Variants in OSBPL1A observed in about 807,000 individuals in gnomAD.
OSBPL1A encodes oxysterol binding protein like 1A, also known as oxysterol-binding protein-related protein 1.
Under a neutral mutation model 137.1 loss-of-function variants are expected in OSBPL1A, and 80 were observed. That is an observed-to-expected ratio of 0.58 (90% confidence interval 0.49 to 0.70). The LOEUF (loss-of-function observed/expected upper bound fraction) is 0.70. Ranked by LOEUF, OSBPL1A falls within the 30% of genes least tolerant of loss-of-function variation. OSBPL1A has a pLI of 0.00. For synonymous variants in OSBPL1A, 365 were observed against 389.7 expected (o/e 0.94, Z 0.75); for missense variants, 970 against 1,129.4 (o/e 0.86, Z 2.02).
chr18:24,200,365 C>T lies in OSBPL1A; in HGVS notation c.1602-4165G>A, dbSNP rs142305799. On this transcript the variant is annotated intron_variant, in intron 17 of 27. Coordinates refer to ENST00000319481, the MANE Select transcript of OSBPL1A (RefSeq NM_080597.4). ...GATCACAAGGTCTGGAGTTCGAGAC[C>T]AGCCTGGCCAAGATGGTGAAACCCT... Among the ~76,000 whole-genome samples, 360 of 152,116 alleles carry T rather than the reference C, an allele frequency of 2.4e-3. 2 individuals are homozygous for T. The highest frequency in any genetic ancestry group is 8.5e-3 in the African/African-American group (352 of 41,472).
intron 16 of OSBPL1A, among the ~76,000 whole-genome samples, chr18:24,234,526 G>A (rs945023937): frequency 2.7e-5 from 3 of 111,782 alleles, no homozygotes; most frequent in African/African-American, 8.4e-5. Flanking sequence ...AGCGATCCCA[G>A]GGGGGACGCC....
intron 19 of OSBPL1A, 49 bp from the exon 20 acceptor site, chr18:24,179,884 G>A (rs1163295028): frequency 7.4e-6 from 11 of 1,478,186 alleles, no homozygotes; most frequent in East Asian, 2.3e-5. Flanking sequence ...AGCTCGCTCC[G>A]CATTCTTTTA....
At chr18:24,387,064 T>C (rs530576537) in intron 1 of OSBPL1A, among the ~76,000 whole-genome samples, 3 of 152,292 alleles carry the variant, frequency 2.0e-5, no homozygotes, top group African/African-American at 7.2e-5. Context: ...CTGAAATATG[T>C]ATTTTTGAAA....
At chr18:24,256,301 C>A (rs2089273001) in intron 15 of OSBPL1A, among the ~76,000 whole-genome samples, 1 of 151,998 alleles carries the variant, frequency 6.6e-6, no homozygotes. Context: ...GGGATTTATC[C>A]CAGGGATGGT....
chr18:24,385,712 G>A (rs1906920218), intron 1 of OSBPL1A, among the ~76,000 whole-genome samples: 1 of 152,196 alleles, frequency 6.6e-6, no homozygotes, highest in South Asian at 2.1e-4. Flanking sequence ...AGCTCCAAGA[G>A]TATCTCCAGT....
chr18:24,236,951 T>G (rs768813340), intron 16 of OSBPL1A, among the ~76,000 whole-genome samples: 129 of 152,264 alleles, frequency 8.5e-4, no homozygotes, highest in Middle Eastern at 3.4e-3. Flanking sequence ...TGTGACATAA[T>G]TATATCATGG....
chr18:24,285,538 T>C lies in OSBPL1A; in HGVS notation c.1175-4590A>G, dbSNP rs192590860. 3.3e-5 allele frequency among the ~76,000 whole-genome samples: 5 copies of C among 152,340 alleles called. No individual in the cohort carries two copies. In the East Asian group the frequency reaches 9.6e-4, roughly 29 times the overall value. Reference sequence around the variant, plus strand: ...AATATATTTTGCCTGTTTTTCAACATTTAACTGAAATATTTCCATCATTTG... The same window carrying C: ...AATATATTTTGCCTGTTTTTCAACACTTAACTGAAATATTTCCATCATTTG... On this transcript the variant is annotated intron_variant, in intron 14 of 27. Transcript: ENST00000319481.
At chr18:24,186,126 T>C (rs1390520882) in intron 18 of OSBPL1A, among the ~76,000 whole-genome samples, 1 of 152,144 alleles carries the variant, frequency 6.6e-6, no homozygotes, top group Non-Finnish European at 1.5e-5. Context: ...TTAGGAAAGA[T>C]CAAATTATCT....
At chr18:24,204,350 A>G (rs1257565992) in intron 17 of OSBPL1A, among the ~76,000 whole-genome samples, 1 of 152,180 alleles carries the variant, frequency 6.6e-6, no homozygotes, top group Non-Finnish European at 1.5e-5. Context: ...TCAACTGCCT[A>G]TTTATAACAT....
At chr18:24,334,179 A>C in intron 6 of OSBPL1A, 66 bp downstream of exon 6, 2 of 1,327,010 alleles carry the variant, frequency 1.5e-6, no homozygotes, top group Non-Finnish European at 2.1e-6. Context: ...AACATTAAGT[A>C]AAAATTTTCC....
At chr18:24,275,831 G>A (rs1247136104) in intron 15 of OSBPL1A, among the ~76,000 whole-genome samples, 1 of 151,878 alleles carries the variant, frequency 6.6e-6, no homozygotes, top group South Asian at 2.1e-4. Context: ...GGGTTCAAGC[G>A]ATTCTCCTGC....
intron 17 of OSBPL1A, among the ~76,000 whole-genome samples, chr18:24,215,781 G>C (rs2087679799): frequency 6.6e-6 from 1 of 152,118 alleles, no homozygotes; most frequent in Admixed American, 6.5e-5. Context: ...AGAAGAAACA[G>C]GTTAAGGCAG....
intron 15 of OSBPL1A, among the ~76,000 whole-genome samples, chr18:24,276,216 A>G (rs1001972233): frequency 6.6e-6 from 1 of 152,202 alleles, no homozygotes; most frequent in Non-Finnish European, 1.5e-5. Flanking sequence ...ATCCTCTGGC[A>G]AGGAAAACTA....
chr18:24,360,126 GCCCAGCTAATTT>G (rs1026032826), intron 4 of OSBPL1A, among the ~76,000 whole-genome samples: 1 of 152,058 alleles, frequency 6.6e-6, no homozygotes, highest in African/African-American at 2.4e-5. Flanking sequence ...CCGACACCAG[GCCCAGCTAATTT>G]TTTTGTATTT....
intron 12 of OSBPL1A, among the ~76,000 whole-genome samples, chr18:24,313,696 C>T (rs1428291501): frequency 1.3e-5 from 2 of 152,090 alleles, no homozygotes; most frequent in Admixed American, 6.6e-5. Context: ...AAAAGGATGC[C>T]CCTTACATTC....
intron 17 of OSBPL1A, among the ~76,000 whole-genome samples, chr18:24,197,351 A>C (rs1348257928): frequency 6.6e-6 from 1 of 152,146 alleles, no homozygotes; most frequent in Admixed American, 6.6e-5. Flanking sequence ...TGTCTCAAAA[A>C]CTAAAAAATA....
At chr18:24,279,250 TAAAAA>T (rs565359517) in intron 15 of OSBPL1A, among the ~76,000 whole-genome samples, 7 of 125,398 alleles carry the variant, frequency 5.6e-5, no homozygotes, top group African/African-American at 1.5e-4. Context: ...CCCATTTCTT[TAAAAA>T]AAAAAAAAAA....
chr18:24,346,737 T>C (rs1050803958), intron 4 of OSBPL1A, among the ~76,000 whole-genome samples: 10 of 152,224 alleles, frequency 6.6e-5, no homozygotes, highest in Admixed American at 5.2e-4. Flanking sequence ...ATTTCTACTT[T>C]TTATTTTTAT....
At chr18:24,377,075 A>G (rs1013642015) in intron 2 of OSBPL1A, among the ~76,000 whole-genome samples, 3 of 152,230 alleles carry the variant, frequency 2.0e-5, no homozygotes, top group African/African-American at 4.8e-5. Flanking sequence ...AGTGCCGCCA[A>G]AGTGGGAGCC....
Sources: gnomAD v4.1 joint callset for allele counts (sites outside exome capture counted in the v4.1 genomes callset) on GRCh38, gnomAD v4.1.1 for gene constraint, MANE v1.5 for transcripts, NCBI Gene and HGNC (gene_info 2026-07-23, HGNC 2026-07-21) for gene names.